Variants in MYOZ2 observed in about 807,000 individuals in gnomAD.
MYOZ2 encodes the protein myozenin-2.
A neutral mutation model predicts 25.4 loss-of-function variants in MYOZ2; 19 were observed. The observed-to-expected ratio is 0.75, with a 90% CI of 0.52 to 1.10. The LOEUF (loss-of-function observed/expected upper bound fraction) is 1.10, where lower values mean the gene tolerates loss of function less well. MYOZ2 is among the 50% of genes least tolerant of loss of function. MYOZ2 has a pLI of 0.00. For synonymous variants in MYOZ2, 92 were observed against 106.9 expected, an observed-to-expected ratio of 0.86 and a Z score of 0.86; for missense variants, 270 against 317.9, an observed-to-expected ratio of 0.85 and a Z score of 1.15.
intron 5 of MYOZ2, among the ~76,000 whole-genome samples, chr4:119,182,375 T>C (rs1742200337): frequency 6.6e-6 from 1 of 152,204 alleles, no homozygotes; most frequent in South Asian, 2.1e-4. Flanking sequence ...TTCTGCATCC[T>C]CAACCTGGAT....
At chr4:119,178,184 A>G (rs919524584) in intron 5 of MYOZ2, among the ~76,000 whole-genome samples, 2 of 152,134 alleles carry the variant, frequency 1.3e-5, no homozygotes, top group African/African-American at 4.8e-5. Context: ...TTGATCATCA[A>G]ACTCCCCAGA....
chr4:119,148,834 A>C (rs1243612080), intron 2 of MYOZ2, among the ~76,000 whole-genome samples: 1 of 148,594 alleles, frequency 6.7e-6, no homozygotes, highest in African/African-American at 2.5e-5. Context: ...TGCTTTCTGA[A>C]GCATTGTTTT....
chr4:119,142,738 T>A (rs55724227), intron 2 of MYOZ2, among the ~76,000 whole-genome samples: 34,071 of 152,224 alleles, frequency 0.22, 4,474 homozygotes, highest in South Asian at 0.35. Context: ...TTAAACATTT[T>A]AATAATAGAC....
At chr4:119,184,951 T>C (rs532899878) in intron 5 of MYOZ2, among the ~76,000 whole-genome samples, 1 of 152,244 alleles carries the variant, frequency 6.6e-6, no homozygotes, top group East Asian at 1.9e-4. Context: ...CATAGAACAA[T>C]TGATGCTGCA....
chr4:119,175,848 A>T (rs1260232568), intron 5 of MYOZ2, among the ~76,000 whole-genome samples: 3 of 151,940 alleles, frequency 2.0e-5, no homozygotes, highest in Non-Finnish European at 4.4e-5. Context: ...GTTTGGTTTG[A>T]TCCTCTGCTG....
intron 2 of MYOZ2, 92 bp from the exon 3 acceptor site, chr4:119,150,780 A>G (rs1393222991): frequency 2.3e-6 from 3 of 1,285,460 alleles, no homozygotes; most frequent in Non-Finnish European, 3.3e-6. Flanking sequence ...TTATGCAATT[A>G]GAAAGTGGTG....
intron 4 of MYOZ2, among the ~76,000 whole-genome samples, chr4:119,160,331 T>TA (rs199643682): frequency 6.8e-6 from 1 of 148,098 alleles, no homozygotes; most frequent in Non-Finnish European, 1.5e-5. Context: ...TTTTTTTTTT[T>TA]ATTAAATAGG....
At chr4:119,158,792 C>T (rs552815756) in intron 4 of MYOZ2, among the ~76,000 whole-genome samples, 3 of 152,206 alleles carry the variant, frequency 2.0e-5, no homozygotes, top group South Asian at 2.1e-4. Context: ...TTCGCAGTAA[C>T]TCTATGACAT....
intron 2 of MYOZ2, among the ~76,000 whole-genome samples, chr4:119,147,805 T>G (rs1040727409): frequency 1.3e-5 from 2 of 151,898 alleles, no homozygotes; most frequent in Non-Finnish European, 2.9e-5. Context: ...AATAATTGTC[T>G]TAAGTATTTC....
At chr4:119,159,436 G>GA (rs1741657109) in intron 4 of MYOZ2, among the ~76,000 whole-genome samples, 1 of 152,078 alleles carries the variant, frequency 6.6e-6, no homozygotes, top group South Asian at 2.1e-4. Context: ...TTTTAAAAGA[G>GA]AATCAACTCC....
At chr4:119,179,681 A>C (rs1021330073) in intron 5 of MYOZ2, among the ~76,000 whole-genome samples, 9 of 152,240 alleles carry the variant, frequency 5.9e-5, no homozygotes, top group Non-Finnish European at 1.2e-4. Flanking sequence ...TGGATAATTC[A>C]TAAAGAACAG....
chr4:119,145,528 GTGTGTGTGTGTGTGTGTGTGTT>G (rs1163770129), intron 2 of MYOZ2, among the ~76,000 whole-genome samples: 4 of 134,132 alleles, frequency 3.0e-5, no homozygotes, highest in African/African-American at 8.6e-5. Flanking sequence ...GTGTGTGTGT[GTGTGTGTGTGTGTGTGTGTGTT>G]TTTGGTAGAG....
intron 5 of MYOZ2, among the ~76,000 whole-genome samples, chr4:119,172,202 A>AC (rs576715624): frequency 4.0e-5 from 6 of 151,760 alleles, no homozygotes; most frequent in Non-Finnish European, 7.4e-5. Context: ...GAGGCTTGTA[A>AC]CCCCCCAAAG....
At chr4:119,173,584 T>C (rs1741987835) in intron 5 of MYOZ2, among the ~76,000 whole-genome samples, 1 of 152,190 alleles carries the variant, frequency 6.6e-6, no homozygotes, top group Non-Finnish European at 1.5e-5. Context: ...CAGCTCTTCA[T>C]TGTATCTGTG....
chr4:119,157,131 AAG>A (rs1191824023), intron 3 of MYOZ2, among the ~76,000 whole-genome samples: 2 of 149,358 alleles, frequency 1.3e-5, no homozygotes, highest in Admixed American at 6.7e-5. Flanking sequence ...TCACACACAA[AAG>A]AGTCAAAATC....
intron 5 of MYOZ2, among the ~76,000 whole-genome samples, chr4:119,172,666 G>C (rs1004884794): frequency 2.6e-5 from 4 of 152,188 alleles, no homozygotes; most frequent in African/African-American, 9.7e-5. Flanking sequence ...CATAACTTCT[G>C]ATCTTGTGGC....
At chr4:119,175,670 T>G (rs1280071360) in intron 5 of MYOZ2, among the ~76,000 whole-genome samples, 1 of 151,964 alleles carries the variant, frequency 6.6e-6, no homozygotes, top group Non-Finnish European at 1.5e-5. Flanking sequence ...GAGACTGGTT[T>G]GAACCCAGGA....
At position 119,185,990 on chromosome 4, in the gene MYOZ2, T is replaced by C; in HGVS notation, c.585T>C (p.Phe195=). Residue 195 remains phenylalanine (F), a synonymous_variant, in exon 6 of 6, where the codon TTT becomes TTC. Coordinates refer to ENST00000307128, the MANE Select transcript of MYOZ2 (RefSeq NM_016599.5). ...FNRVATPFGG[F]EKASRMVKFK... is the part of the protein sequence containing the mutation. ...GGGTTGCCACACCATTTGGAGGTTT[T>C]GAAAAAGCATCAAGAATGGTTAAAT... is the stretch of plus-strand genomic sequence containing the variant. 1 of 1,613,970 alleles carries C rather than the reference T, an allele frequency of 6.2e-7. No homozygotes were observed. Among genetic ancestry groups the C allele is most frequent in the Non-Finnish European group, 8.5e-7 (1 of 1,179,998 alleles).
chr4:119,174,348 C>T (rs983157632), intron 5 of MYOZ2, among the ~76,000 whole-genome samples: 1 of 151,932 alleles, frequency 6.6e-6, no homozygotes, highest in African/African-American at 2.4e-5. Flanking sequence ...GTAAACACAC[C>T]AGTCAGCACC....
Sources: gnomAD v4.1 joint callset for allele counts (sites outside exome capture counted in the v4.1 genomes callset) on GRCh38, gnomAD v4.1.1 for gene constraint, MANE v1.5 for transcripts, NCBI Gene and HGNC (gene_info 2026-07-23, HGNC 2026-07-21) for gene names.